The following KDM5C variants were observed in gnomAD, a reference collection of about 807,000 sequenced individuals.
KDM5C encodes the protein lysine demethylase 5C, also known as lysine-specific demethylase 5C.
A neutral mutation model predicts 110.6 loss-of-function variants in KDM5C; 16 were observed. The observed-to-expected ratio is 0.14, with a 90% CI of 0.10 to 0.22. KDM5C has a LOEUF of 0.22. Ranked by LOEUF, KDM5C falls within the 10% of genes least tolerant of loss-of-function variation. The pLI is 1.00. For missense variants in KDM5C, 681 were observed against 1,300.9 expected, an observed-to-expected ratio of 0.52 and a Z score of 7.33; for synonymous variants, 511 against 520.4, an observed-to-expected ratio of 0.98 and a Z score of 0.24.
chrX:53,220,527 T>C (rs1342183520), intron 2 of KDM5C, among the ~76,000 whole-genome samples: 2 of 112,420 alleles, frequency 1.8e-5, no homozygotes, highest in African/African-American at 6.5e-5. Flanking sequence ...AATTCCTTTT[T>C]GTTGACTCAG....
Position 53,208,694 on chromosome X carries a change from G to A in KDM5C, c.1746+1720C>T, listed in dbSNP as rs180866900. ...CTAATTCTGTATTTTTATTAGAGACGAGGTTTCACCATGTTGGCCAGGCTG... is the reference window on the plus strand; with the variant it reads ...CTAATTCTGTATTTTTATTAGAGACAAGGTTTCACCATGTTGGCCAGGCTG... On this transcript the variant is annotated intron_variant, in intron 12 of 25. Transcript: ENST00000375401. 2.0e-3 allele frequency among the ~76,000 whole-genome samples: 211 copies of A among 103,684 alleles called. 1 individual carries two copies. The highest frequency in any genetic ancestry group is 2.2e-3 in the Non-Finnish European group (112 of 51,077). The allele number at this position is 103,684 out of a possible 115,157, so 90.0% of individuals were successfully genotyped here.
chrX:53,215,327 G>A, intron 7 of KDM5C: 2 of 305,309 alleles, frequency 6.6e-6, no homozygotes. Context: ...TGGCAACAGG[G>A]CAGAGCACAG....
chrX:53,188,380 C>T (rs782445738), downstream of KDM5C, among the ~76,000 whole-genome samples: 1 of 103,216 alleles, frequency 9.7e-6, no homozygotes, highest in Admixed American at 1.0e-4. Flanking sequence ...AACTGACCTA[C>T]TTTTTTTTTT....
At chrX:53,201,217 T>C (rs2073129485) in intron 14 of KDM5C, 1 of 277,858 alleles carries the variant, frequency 3.6e-6, no homozygotes, top group Admixed American at 5.2e-5. Context: ...CAGTCTATTT[T>C]GCTAGGTCAT....
intron 8 of KDM5C, 108 bp downstream of exon 8, chrX:53,214,581 G>C: frequency 1.1e-6 from 1 of 910,675 alleles, no homozygotes; most frequent in African/African-American, 2.0e-5. Flanking sequence ...CCACCACAGA[G>C]ACCCAAAACC....
At chrX:53,212,075 C>T (rs1174391148) in intron 8 of KDM5C, among the ~76,000 whole-genome samples, 169 bp from the exon 9 acceptor site, 2 of 111,882 alleles carry the variant, frequency 1.8e-5, no homozygotes, top group Non-Finnish European at 3.8e-5. Flanking sequence ...CTTACCACTT[C>T]GGCTTAGTCT....
chrX:53,184,216 T>C (rs2146791543), intron 25 of KDM5C, among the ~76,000 whole-genome samples: 1 of 111,689 alleles, frequency 9.0e-6, no homozygotes, highest in East Asian at 2.8e-4. Context: ...CTTGCAACTT[T>C]GCTGAATTTA....
chrX:53,216,205 G>T lies in KDM5C; in HGVS notation c.658-8C>A. 8.3e-7 allele frequency: 1 copy of T among 1,211,050 alleles called. No homozygotes were observed. ...TTCCTCTGTGGGTTCCGGCTGGAAGGAAAGAAGGAAATGAATCAAGACTGC... is the reference window on the plus strand; with the variant it reads ...TTCCTCTGTGGGTTCCGGCTGGAAGTAAAGAAGGAAATGAATCAAGACTGC... On this transcript the variant is annotated splice_polypyrimidine_tract_variant and splice_region_variant and intron_variant, in intron 5 of 25. Transcript: ENST00000375401.
chrX:53,201,504 G>T, intron 14 of KDM5C, 46 bp downstream of exon 14: 1 of 1,171,381 alleles, frequency 8.5e-7, no homozygotes, highest in South Asian at 1.8e-5. Context: ...CTGCCTCCCC[G>T]AACTTCCACC....
chrX:53,218,058 G>T, intron 3 of KDM5C, 92 bp from the exon 4 acceptor site: 1 of 985,107 alleles, frequency 1.0e-6, no homozygotes, highest in Non-Finnish European at 1.4e-6. Context: ...GGCAATGAGG[G>T]CAACTCTAGT....
At chrX:53,177,998 A>G (rs1469598512) in intron 25 of KDM5C, among the ~76,000 whole-genome samples, 1 of 110,965 alleles carries the variant, frequency 9.0e-6, no homozygotes, top group Non-Finnish European at 1.9e-5. Flanking sequence ...AGCTGGGACT[A>G]TAGGTGCACG....
chrX:53,194,694 G>A lies in KDM5C; in HGVS notation c.3483C>T (p.Ile1161=), dbSNP rs782209831. ...CCGAATTGGTGCGACGCAGCTGCAG[G>A]ATACCCTCCTTCTCCTTCTGTTCCC... is the stretch of plus-strand genomic sequence containing the variant. The part of the protein sequence containing the change: ...KEGEQKEKEG[I]LQLRRTNSAK... The change falls in exon 23 of 26, where the codon ATC becomes ATT. Residue 1161 remains isoleucine (I), a synonymous_variant. Coordinates refer to ENST00000375401, the MANE Select transcript of KDM5C (RefSeq NM_004187.5). 1 of 1,209,237 alleles carries A rather than the reference G, an allele frequency of 8.3e-7. No individual in the cohort carries two copies. Among genetic ancestry groups the A allele is most frequent in the Non-Finnish European group, 1.1e-6 (1 of 894,863 alleles).
intron 3 of KDM5C, 81 bp downstream of exon 3, chrX:53,218,195 T>C (rs1209161382): frequency 9.7e-5 from 107 of 1,104,453 alleles, no homozygotes; most frequent in Non-Finnish European, 1.3e-4. Flanking sequence ...AAAGATCTAA[T>C]ATCCAAACTA....
chrX:53,211,307 A>G (rs1331563957), intron 10 of KDM5C, among the ~76,000 whole-genome samples, 190 bp downstream of exon 10: 1 of 112,183 alleles, frequency 8.9e-6, no homozygotes, highest in Non-Finnish European at 1.9e-5. Context: ...GGGCTCACAG[A>G]GGCGAAAGAA....
At chrX:53,199,978 G>A (rs890262097) in intron 14 of KDM5C, among the ~76,000 whole-genome samples, 13 of 111,168 alleles carry the variant, frequency 1.2e-4, no homozygotes, top group African/African-American at 4.3e-4. Flanking sequence ...ATCATTTAAC[G>A]TCTCTGGGTC....
intron 24 of KDM5C, 49 bp from the exon 25 acceptor site, chrX:53,193,685 T>A (rs782526622): frequency 6.8e-6 from 8 of 1,183,316 alleles, no homozygotes; most frequent in Non-Finnish European, 9.2e-6. Flanking sequence ...CTTGGTCTTA[T>A]CCCCACCACT....
At position 53,215,912 on chromosome X, in the gene KDM5C, C is replaced by T. The variant is rs782810326; in HGVS notation, c.846G>A (p.Lys282=). 10 of 1,209,926 alleles carry T rather than the reference C, an allele frequency of 8.3e-6. No homozygotes were observed. The highest frequency in any genetic ancestry group is 3.0e-5 in the East Asian group (1 of 33,771). Residue 282 remains lysine (K), a synonymous_variant, in exon 7 of 26, where the codon AAG becomes AAA. Coordinates refer to ENST00000375401, the MANE Select transcript of KDM5C (RefSeq NM_004187.5). ...AGGTCTTAGGCGATGTTGACTCCACCTTCACATCCCCACCTAACTCCTCCT... is the reference window on the plus strand; with the variant it reads ...AGGTCTTAGGCGATGTTGACTCCACTTTCACATCCCCACCTAACTCCTCCT... ...VVKEELGGDV[K]VESTSPKTFL...
At chrX:53,184,569 A>T (rs782175535) in intron 25 of KDM5C, among the ~76,000 whole-genome samples, 4 of 111,637 alleles carry the variant, frequency 3.6e-5, no homozygotes, top group African/African-American at 1.3e-4. Context: ...ATCAAGTGAG[A>T]TGATCATGTG....
rs1556839919 is a variant in KDM5C, at chrX:53,198,752, C to A, written c.2368+12G>T. 8.2e-7 allele frequency: 1 copy of A among 1,212,197 alleles called. No individual in the cohort carries two copies. Among genetic ancestry groups the A allele is most frequent in the Admixed American group, 2.2e-5 (1 of 46,111 alleles). On this transcript the variant is annotated intron_variant, in intron 16 of 25. Coordinates refer to ENST00000375401, the MANE Select transcript of KDM5C (RefSeq NM_004187.5). ...TTGCCTGTGGAGTCCCTCCATCCCCCCCATCACTCACTGCGCTTCCGCCCA... is the reference window on the plus strand; with the variant it reads ...TTGCCTGTGGAGTCCCTCCATCCCCACCATCACTCACTGCGCTTCCGCCCA...
Sources: gnomAD v4.1 joint callset for allele counts (sites outside exome capture counted in the v4.1 genomes callset) on GRCh38, gnomAD v4.1.1 for gene constraint, MANE v1.5 for transcripts, NCBI Gene and HGNC (gene_info 2026-07-23, HGNC 2026-07-21) for gene names.